Variants in SCARA3 observed in about 807,000 individuals in gnomAD.
SCARA3 encodes the protein scavenger receptor class A member 3, also known as cellular stress response gene protein.
SCARA3 carries 39 observed loss-of-function variants against 47.0 expected under a neutral mutation model. The observed-to-expected ratio is 0.83, with a 90% confidence interval of 0.64 to 1.08. The LOEUF (loss-of-function observed/expected upper bound fraction) is 1.08, where lower values mean the gene tolerates loss of function less well. Among genes scored for constraint, SCARA3 ranks in the 50% least tolerant of loss-of-function variants. The pLI is 0.00. For synonymous variants in SCARA3, 356 were observed against 334.1 expected (o/e 1.07, Z -0.71); for missense variants, 724 against 792.3 (o/e 0.91, Z 1.04).
At chr8:27,642,669 G>A (rs1282600523) in intron 1 of SCARA3, among the ~76,000 whole-genome samples, 5 of 152,074 alleles carry the variant, frequency 3.3e-5, no homozygotes, top group Non-Finnish European at 7.4e-5. Context: ...CAAAAAATAA[G>A]CAAGATTAGC....
intron 1 of SCARA3, among the ~76,000 whole-genome samples, chr8:27,642,915 G>A (rs1398609887): frequency 1.3e-5 from 2 of 152,204 alleles, no homozygotes; most frequent in African/African-American, 4.8e-5. Context: ...GAGTCGGGGG[G>A]GTTGGTGCTG....
chr8:27,673,562 G>C (rs146777958), downstream of SCARA3, among the ~76,000 whole-genome samples: 404 of 152,312 alleles, frequency 2.7e-3, 5 homozygotes, highest in African/African-American at 9.3e-3. Flanking sequence ...TGGTGGGTTG[G>C]TGCTTAGTTG....
At chr8:27,723,891 A>G in the SCARA3 span, among the ~76,000 whole-genome samples, 1 of 152,130 alleles carries the variant, frequency 6.6e-6, no homozygotes, top group African/African-American at 2.4e-5. Context: ...ACGTGCCACC[A>G]TGCCGAGCTA....
chr8:27,695,111 G>A, the SCARA3 span, among the ~76,000 whole-genome samples: 4 of 152,302 alleles, frequency 2.6e-5, no homozygotes, highest in African/African-American at 9.6e-5. Flanking sequence ...CCAGAATGGA[G>A]AGATGCCATT....
chr8:27,649,043 A>T (rs931813218), intron 1 of SCARA3, among the ~76,000 whole-genome samples: 1 of 152,182 alleles, frequency 6.6e-6, no homozygotes, highest in Non-Finnish European at 1.5e-5. Context: ...GTGTCTGGGG[A>T]ACTAGAGGAA....
chr8:27,654,789 C>CAAAAAAAAA (rs539914704), intron 3 of SCARA3, among the ~76,000 whole-genome samples: 6 of 86,076 alleles, frequency 7.0e-5, no homozygotes, highest in African/African-American at 2.3e-4. Context: ...GACTGTCTCA[C>CAAAAAAAAA]AAAAAAAAAA....
chr8:27,642,304 A>G (rs1198131760), intron 1 of SCARA3, among the ~76,000 whole-genome samples: 1 of 152,230 alleles, frequency 6.6e-6, no homozygotes, highest in Non-Finnish European at 1.5e-5. Context: ...GGATAGAAAA[A>G]TAATCCTAAT....
chr8:27,712,029 G>A, the SCARA3 span, among the ~76,000 whole-genome samples: 1 of 152,178 alleles, frequency 6.6e-6, no homozygotes, highest in Non-Finnish European at 1.5e-5. Context: ...AATAAAACAA[G>A]AAGTTCAATA....
At chr8:27,646,570 CCAAGGAGGCA>C (rs1801497380) in intron 1 of SCARA3, among the ~76,000 whole-genome samples, 1 of 152,114 alleles carries the variant, frequency 6.6e-6, no homozygotes, top group African/African-American at 2.4e-5. Context: ...AGGAACCCGG[CCAAGGAGGCA>C]GCTCTGCTCT....
chr8:27,703,401 G>C, the SCARA3 span: 1 of 152,592 alleles, frequency 6.6e-6, no homozygotes. Flanking sequence ...AAAAGTGAAA[G>C]CTGAGAAGTC....
rs1398905234 is a variant in SCARA3, at chr8:27,656,512, A to AT, written c.227-262dup. 4.0e-5 allele frequency among the ~76,000 whole-genome samples: 6 copies of AT among 151,784 alleles called. 1 individual carries two copies. In the South Asian group the frequency reaches 1.0e-3, roughly 26 times the overall value. On this transcript the variant is annotated intron_variant, in intron 3 of 5. Transcript: ENST00000301904. ...TAGGAATAAGAATAATTTTTTTTTAATTTTTTTTCTGAATTTTCCCTGTTC... is the reference window on the plus strand; with the variant it reads ...TAGGAATAAGAATAATTTTTTTTTAATTTTTTTTTCTGAATTTTCCCTGTTC...
At chr8:27,655,568 G>A (rs1801725765) in intron 3 of SCARA3, among the ~76,000 whole-genome samples, 1 of 152,040 alleles carries the variant, frequency 6.6e-6, no homozygotes, top group African/African-American at 2.4e-5. Context: ...CTTGTATCAA[G>A]GACTTCAAAA....
intron 1 of SCARA3, among the ~76,000 whole-genome samples, chr8:27,645,069 C>T (rs1489431658): frequency 6.6e-6 from 1 of 152,190 alleles, no homozygotes; most frequent in Non-Finnish European, 1.5e-5. Flanking sequence ...AGTTCAAACA[C>T]CAGCCCTTGG....
chr8:27,643,859 G>C (rs570259865), intron 1 of SCARA3, among the ~76,000 whole-genome samples: 2 of 152,322 alleles, frequency 1.3e-5, no homozygotes, highest in African/African-American at 4.8e-5. Context: ...AGGCGAAAGA[G>C]GGAACCAAGG....
intron 2 of SCARA3, among the ~76,000 whole-genome samples, chr8:27,650,418 G>T (rs1446692212): frequency 2.0e-5 from 3 of 152,144 alleles, no homozygotes; most frequent in African/African-American, 7.2e-5. Flanking sequence ...AGCTGGCCTG[G>T]AACTGTCCCC....
chr8:27,682,403 A>G, the SCARA3 span, among the ~76,000 whole-genome samples: 2 of 152,302 alleles, frequency 1.3e-5, no homozygotes, highest in Middle Eastern at 3.4e-3. Context: ...ACCATAAAAA[A>G]TTGATAAGCT....
the SCARA3 span, among the ~76,000 whole-genome samples, chr8:27,722,181 G>A: frequency 1.1e-3 from 169 of 152,260 alleles, 1 homozygote; most frequent in African/African-American, 3.9e-3. Context: ...ATATGTATTC[G>A]ATTGTGGTTT....
intron 5 of SCARA3, among the ~76,000 whole-genome samples, chr8:27,668,317 G>A (rs1217924643): frequency 1.3e-5 from 2 of 150,070 alleles, no homozygotes; most frequent in Non-Finnish European, 3.0e-5. Context: ...GAGGCGGGTG[G>A]ATCATGAGGT....
chr8:27,709,364 G>T, the SCARA3 span, among the ~76,000 whole-genome samples: 1 of 152,184 alleles, frequency 6.6e-6, no homozygotes, highest in South Asian at 2.1e-4. Flanking sequence ...CCAGGAAGAG[G>T]CAGGACCAGA....
Sources: gnomAD v4.1 joint callset for allele counts (sites outside exome capture counted in the v4.1 genomes callset) on GRCh38, gnomAD v4.1.1 for gene constraint, MANE v1.5 for transcripts, NCBI Gene and HGNC (gene_info 2026-07-23, HGNC 2026-07-21) for gene names.